TBC1D5: variants seen among roughly 807,000 people sequenced by gnomAD.
The protein encoded by TBC1D5 is TBC1 domain family member 5.
A neutral mutation model predicts 100.3 loss-of-function variants in TBC1D5; 75 were observed. The ratio of observed to expected loss-of-function variants is 0.75; its 90% confidence interval spans 0.62 to 0.91. The LOEUF is 0.91. Among genes scored for constraint, TBC1D5 ranks in the 40% least tolerant of loss-of-function variants. TBC1D5 has a pLI of 0.00. For missense variants in TBC1D5, 910 were observed against 942.4 expected, an observed-to-expected ratio of 0.97 and a Z score of 0.45; for synonymous variants, 323 against 325.6, an observed-to-expected ratio of 0.99 and a Z score of 0.09.
chr3:17,398,718 A>G (rs2093570297), intron 8 of TBC1D5, among the ~76,000 whole-genome samples: 1 of 149,144 alleles, frequency 6.7e-6, no homozygotes, highest in Non-Finnish European at 1.5e-5. Context: ...TGCTTCTCTT[A>G]ATGACACCAA....
chr3:17,693,920 T>G (rs548670465), intron 1 of TBC1D5, among the ~76,000 whole-genome samples: 1 of 152,346 alleles, frequency 6.6e-6, no homozygotes, highest in Non-Finnish European at 1.5e-5. Context: ...TTTGCTGTTC[T>G]GCAGCCTCCG....
intron 2 of TBC1D5, among the ~76,000 whole-genome samples, chr3:17,552,220 G>A (rs942051192): frequency 1.3e-5 from 2 of 151,650 alleles, no homozygotes; most frequent in Admixed American, 6.6e-5. Context: ...AACAATCACC[G>A]AAGTATCAAA....
intron 18 of TBC1D5, among the ~76,000 whole-genome samples, chr3:17,196,512 G>C (rs2125716925): frequency 6.6e-6 from 1 of 152,332 alleles, no homozygotes; most frequent in African/African-American, 2.4e-5. Context: ...TAATGATAAG[G>C]CTGAACAGGG....
chr3:17,407,535 C>T (rs963213317), intron 4 of TBC1D5, among the ~76,000 whole-genome samples: 5 of 152,084 alleles, frequency 3.3e-5, no homozygotes, highest in South Asian at 2.1e-4. Context: ...ATCATTCTTC[C>T]GTTACACACA....
chr3:17,209,510 TC>T (rs2072680773), intron 18 of TBC1D5, among the ~76,000 whole-genome samples: 1 of 152,190 alleles, frequency 6.6e-6, no homozygotes, highest in Admixed American at 6.6e-5. Context: ...TCCCCTGATT[TC>T]CCACTATGGA....
At chr3:17,366,279 G>A (rs1432913904) in intron 13 of TBC1D5, among the ~76,000 whole-genome samples, 3 of 151,004 alleles carry the variant, frequency 2.0e-5, no homozygotes, top group Non-Finnish European at 4.4e-5. Flanking sequence ...GTGACAGAGC[G>A]AGACCCCCTC....
intron 1 of TBC1D5, among the ~76,000 whole-genome samples, chr3:17,657,329 CTTTTT>C (rs35431642): frequency 4.7e-5 from 5 of 107,024 alleles, no homozygotes; most frequent in Admixed American, 1.1e-4. Flanking sequence ...CAAATTCTTT[CTTTTT>C]TTTTTTTTTT....
intron 18 of TBC1D5, among the ~76,000 whole-genome samples, chr3:17,191,153 T>C (rs1221017604): frequency 6.6e-6 from 1 of 152,196 alleles, no homozygotes; most frequent in African/African-American, 2.4e-5. Flanking sequence ...GCAGCCATAC[T>C]GGTGAACAAG....
rs2060617994 is a variant in TBC1D5 at position 17,597,008 on chromosome 3, A to G, written c.-36+26841T>C. On this transcript the variant is annotated intron_variant, in intron 2 of 21. Transcript: ENST00000253692. Reference sequence around the variant, plus strand: ...GATTCTAATAAATTATAAAACTCTAAACTTTCACCCAAGGTTAACAGAACT... The same window carrying G: ...GATTCTAATAAATTATAAAACTCTAGACTTTCACCCAAGGTTAACAGAACT... Among the ~76,000 whole-genome samples, 4 of 152,176 alleles carry G rather than the reference A, an allele frequency of 2.6e-5. No homozygotes were observed. The South Asian group carries it at 8.3e-4, about 32-fold the overall frequency.
intron 3 of TBC1D5, among the ~76,000 whole-genome samples, chr3:17,485,025 AATTAT>A (rs920641650): frequency 6.6e-6 from 1 of 152,162 alleles, no homozygotes; most frequent in African/African-American, 2.4e-5. Context: ...ATAAGATGAA[AATTAT>A]ATTAGAGAAT....
intron 8 of TBC1D5, among the ~76,000 whole-genome samples, chr3:17,386,144 A>G (rs959494938): frequency 1.3e-5 from 2 of 152,180 alleles, no homozygotes; most frequent in Admixed American, 1.3e-4. Context: ...TACTTTTGAG[A>G]GGTGAAATTT....
At chr3:17,560,399 C>T (rs1357902194) in intron 2 of TBC1D5, among the ~76,000 whole-genome samples, 1 of 152,058 alleles carries the variant, frequency 6.6e-6, no homozygotes, top group Non-Finnish European at 1.5e-5. Flanking sequence ...GGGAGGATCA[C>T]TTGAAGCCAG....
chr3:17,384,094 G>C, intron 8 of TBC1D5, 79 bp from the exon 9 acceptor site: 3 of 1,228,970 alleles, frequency 2.4e-6, no homozygotes, highest in Non-Finnish European at 3.4e-6. Flanking sequence ...TCGAAGACGT[G>C]CCAAGGGCTG....
chr3:17,179,547 T>G (rs892268020), intron 19 of TBC1D5, among the ~76,000 whole-genome samples: 4 of 152,190 alleles, frequency 2.6e-5, no homozygotes, highest in African/African-American at 9.7e-5. Context: ...CTCAGTAGAC[T>G]AATCAGTGAA....
chr3:17,494,811 C>T (rs576672736), intron 3 of TBC1D5, among the ~76,000 whole-genome samples: 1 of 152,358 alleles, frequency 6.6e-6, no homozygotes, highest in South Asian at 2.1e-4. Flanking sequence ...TCATCTTAGG[C>T]AGTCTCCAGC....
At chr3:17,373,714 C>T (rs951877252) in intron 12 of TBC1D5, among the ~76,000 whole-genome samples, 2 of 152,018 alleles carry the variant, frequency 1.3e-5, no homozygotes, top group Admixed American at 1.3e-4. Flanking sequence ...AATATGAACA[C>T]TGAAAACACT....
chr3:17,592,973 T>G (rs545188051), intron 2 of TBC1D5, among the ~76,000 whole-genome samples: 3 of 152,308 alleles, frequency 2.0e-5, no homozygotes, highest in African/African-American at 7.2e-5. Flanking sequence ...TTCTGACTCA[T>G]CTAGCCATAA....
In TBC1D5 at chr3:17,396,770, G is replaced by A. The variant is rs369906004; in HGVS notation, c.509+6411C>T. Among the ~76,000 whole-genome samples, 66 of 151,958 alleles carry A rather than the reference G, an allele frequency of 4.3e-4. 1 individual carries two copies. The East Asian group carries it at 8.1e-3, about 19-fold the overall frequency. ...GTCATTTTCTAAAGGTGAGAGAAAA[G>A]AAATAAAAGTAAATGTTTCACAGAG... is the stretch of plus-strand genomic sequence containing the variant. On this transcript the variant is annotated intron_variant, in intron 8 of 21. Coordinates refer to ENST00000253692, the Ensembl canonical transcript of TBC1D5.
chr3:17,356,025 C>T (rs1360868616), intron 13 of TBC1D5, among the ~76,000 whole-genome samples: 1 of 152,010 alleles, frequency 6.6e-6, no homozygotes, highest in Admixed American at 6.6e-5. Flanking sequence ...AAACCATAAT[C>T]ATTTTTAATA....
Sources: allele counts gnomAD v4.1 joint callset (sites outside exome capture counted in the v4.1 genomes callset), GRCh38; gene constraint gnomAD v4.1.1; transcripts MANE v1.5; gene names NCBI Gene and HGNC (gene_info 2026-07-23, HGNC 2026-07-21).